Variants in KLF10 observed in about 807,000 individuals in gnomAD.
KLF10 encodes Krueppel-like factor 10.
Under a neutral mutation model 31.6 loss-of-function variants are expected in KLF10, and 17 were observed. The ratio of observed to expected loss-of-function variants is 0.54; its 90% confidence interval spans 0.37 to 0.81. The LOEUF (loss-of-function observed/expected upper bound fraction) is 0.81. KLF10 is among the 30% of genes least tolerant of loss of function. KLF10 has a pLI of 0.00. For synonymous variants in KLF10, 239 were observed against 215.1 expected (o/e 1.11, Z -0.97); for missense variants, 525 against 598.1 (o/e 0.88, Z 1.27).
In KLF10 at chr8:102,651,997, G is replaced by A; in HGVS notation, c.335C>T (p.Pro112Leu). 6.2e-7 allele frequency: 1 copy of A among 1,613,654 alleles called. No individual in the cohort carries two copies. Among genetic ancestry groups the A allele is most frequent in the Non-Finnish European group, 8.5e-7 (1 of 1,179,864 alleles). The change falls in exon 3 of 4, where the codon CCA (proline) becomes CTA (leucine). Residue 112 changes from proline to leucine, a missense_variant. This residue lies in a region of KLF10 where 434 missense variants were observed against 450.7 expected (regional missense o/e 0.96). Coordinates refer to ENST00000285407, the MANE Select transcript of KLF10 (RefSeq NM_005655.4). ...EPSQVSNLMA[P>L]APSTVHFKSL... ...CTTGAAGTGTACAGTAGATGGCGCT[G>A]GTGCCATCAGATTTGACACTTGAGA...
At position 102,653,113 on chromosome 8, in the gene KLF10, T is replaced by A. The variant is rs567898678; in HGVS notation, c.37-716A>T. Among the ~76,000 whole-genome samples, 289 of 152,218 alleles carry A rather than the reference T, an allele frequency of 1.9e-3. 2 individuals are homozygous for A. Among genetic ancestry groups the A allele is most frequent in the African/African-American group, 6.5e-3 (269 of 41,538 alleles). On this transcript the variant is annotated intron_variant, in intron 1 of 3. Transcript: ENST00000285407. ...ATCACTTGATTATGGTAAAGAAAAA[T>A]CAAGTGATATACATAGAAAAAAATT...
rs1452329717 is a variant in KLF10, at chr8:102,651,704, A to T, written c.628T>A (p.Ser210Thr). ...GCCACTGTGTTTCTCTCACATTTGG[A>T]TCTGTTTGGTGACACAGCGGCACAT... The part of the protein sequence containing the change: ...IPCAAVSPNR[S>T]KCERNTVADV... Residue 210 changes from serine to threonine, a missense_variant, in exon 3 of 4, where the codon TCC becomes ACC. This residue lies in a region of KLF10 where 434 missense variants were observed against 450.7 expected (regional missense o/e 0.96). Transcript: ENST00000285407. The T allele has an allele frequency of 6.2e-7, 1 of 1,614,148 alleles. No individual in the cohort carries two copies. The highest frequency in any genetic ancestry group is 8.5e-7 in the Non-Finnish European group (1 of 1,180,034).
rs780781902 is a variant in KLF10, at chr8:102,652,347, G to T, written c.87C>A (p.Ser29=). Reference sequence around the variant, plus strand: ...CACTTTTCTCTGCAGTTTTGTTCCAGGAATACATACTCTCTTTTGGCCTTT... The same window carrying T: ...CACTTTTCTCTGCAGTTTTGTTCCATGAATACATACTCTCTTTTGGCCTTT... ...ISERPKESMY[S]WNKTAEKSDF... is the part of the protein sequence containing the mutation. The change falls in exon 2 of 4, where the codon TCC becomes TCA. Residue 29 remains serine (S), a synonymous_variant. Transcript: ENST00000285407. 7 of 1,611,314 alleles carry T rather than the reference G, an allele frequency of 4.3e-6. No individual in the cohort carries two copies. In the Admixed American group the frequency reaches 1.2e-4, roughly 27 times the overall value.
intron 1 of KLF10, 71 bp downstream of exon 1, chr8:102,655,495 G>T (rs1587836921): frequency 1.3e-6 from 2 of 1,578,386 alleles, no homozygotes; most frequent in Non-Finnish European, 1.7e-6. Flanking sequence ...CGGGGCTCGG[G>T]GTTCGCGCCC....
At position 102,651,542 on chromosome 8, in the gene KLF10, C is replaced by T. The variant is rs1048594423; in HGVS notation, c.790G>A (p.Ala264Thr). The change falls in exon 3 of 4, where the codon GCA (alanine) becomes ACA (threonine). Residue 264 changes from alanine to threonine, a missense_variant. Coordinates refer to ENST00000285407, the MANE Select transcript of KLF10 (RefSeq NM_005655.4). ...ACCGGCATAGGTGGCACTCCCCCTG[C>T]AGATACTGCAGGTGGAGAGACCAAC... is the stretch of plus-strand genomic sequence containing the variant. Reference protein sequence around the residue: ...SVLVSPPAVSAGGVPPMPVIC... With the variant: ...SVLVSPPAVSTGGVPPMPVIC... The T allele has an allele frequency of 1.2e-6, 2 of 1,613,788 alleles. No individual in the cohort carries two copies. Among genetic ancestry groups the T allele is most frequent in the African/African-American group, 2.7e-5 (2 of 74,904 alleles).
Position 102,650,159 on chromosome 8 carries a change from T to C in KLF10, c.1416A>G (p.Leu472=), listed in dbSNP as rs768754032. ...ACTGTGTGGGAGCAGGGGTTGGAGG[T>C]AGAGCAATGTCATTTAGCTTGCTCA... is the stretch of plus-strand genomic sequence containing the variant. ...MEVSKLNDIA[L]PPTPAPTQ The change falls in exon 4 of 4, where the codon CTA becomes CTG. Residue 472 remains leucine, a synonymous_variant. Transcript: ENST00000285407. The C allele has an allele frequency of 1.2e-6, 2 of 1,614,202 alleles. No homozygotes were observed. Among genetic ancestry groups the C allele is most frequent in the South Asian group, 1.1e-5 (1 of 91,084 alleles).
intron 1 of KLF10, chr8:102,653,617 G>A (rs930044535): frequency 7.5e-7 from 1 of 1,334,624 alleles, no homozygotes; most frequent in Non-Finnish European, 9.6e-7. Flanking sequence ...CCTTCGTGTT[G>A]AAATCCTAAG....
At position 102,649,913 on chromosome 8, in the gene KLF10, T is replaced by C. The variant is rs1827164196; in HGVS notation, c.*219A>G. The C allele has an allele frequency of 1.7e-6, 1 of 578,106 alleles. No homozygotes were observed. The highest frequency in any genetic ancestry group is 3.3e-5 in the Admixed American group (1 of 30,106). The allele number at this position is 578,106 out of a possible 1,614,324, so 35.8% of individuals were successfully genotyped here. The stretch of plus-strand genomic sequence containing the variant: ...TCAAAGGAATAAAAGCTTTCTCATC[T>C]CTCTTATGTGATAAGAAATGAAACC... On this transcript the variant is annotated 3_prime_UTR_variant, in exon 4 of 4. Transcript: ENST00000285407.
At chr8:102,654,849 G>A (rs1222468689) in intron 1 of KLF10, among the ~76,000 whole-genome samples, 1 of 151,356 alleles carries the variant, frequency 6.6e-6, no homozygotes, top group African/African-American at 2.4e-5. Context: ...CCTCTTCCAA[G>A]GAGTCGTCAG....
At chr8:102,655,330 G>A (rs1270881271) in intron 1 of KLF10, among the ~76,000 whole-genome samples, 1 of 151,874 alleles carries the variant, frequency 6.6e-6, no homozygotes, top group Non-Finnish European at 1.5e-5. Context: ...TACATCTAGA[G>A]CAAGACCCCT....
chr8:102,649,430 T>A lies in KLF10; in HGVS notation c.*702A>T, dbSNP rs1366225313. ...TTCAAAGCATAATGAAATGCCTAGA[T>A]ACAGTCATTTGTTAAACTTTCAAAA... On this transcript the variant is annotated 3_prime_UTR_variant, in exon 4 of 4. Coordinates refer to ENST00000285407, the MANE Select transcript of KLF10 (RefSeq NM_005655.4). 6.6e-6 allele frequency: 1 copy of A among 152,290 alleles called. No homozygotes were observed. Among genetic ancestry groups the A allele is most frequent in the Non-Finnish European group, 1.5e-5 (1 of 68,088 alleles). 9.4% of individuals were successfully genotyped at this position (152,290 alleles called of 1,614,324 possible). A position where few individuals can be genotyped will look rare whatever the true frequency, so the allele number is the denominator to read the frequency against.
At chr8:102,654,201 C>T (rs1827300690) in intron 1 of KLF10, 1 of 150,574 alleles carries the variant, frequency 6.6e-6, no homozygotes, top group African/African-American at 2.4e-5. Context: ...TCCCCTACTT[C>T]CTGAGCTTGC....
intron 3 of KLF10, 141 bp from the exon 4 acceptor site, chr8:102,650,532 G>A (rs1032825693): frequency 2.2e-6 from 2 of 896,418 alleles, no homozygotes; most frequent in Non-Finnish European, 1.6e-6. Context: ...TATGAGATAT[G>A]TATTGCTCCA....
chr8:102,652,469 A>AT (rs1361266826), intron 1 of KLF10, 72 bp from the exon 2 acceptor site: 25 of 660,382 alleles, frequency 3.8e-5, no homozygotes, highest in African/African-American at 8.3e-5. Flanking sequence ...AAAATGAGCA[A>AT]ATTTTTTTTT....
In KLF10 at chr8:102,651,363, C is replaced by T; in HGVS notation, c.969G>A (p.Gln323=). 1.3e-6 allele frequency: 2 copies of T among 1,599,046 alleles called. No homozygotes were observed. Among genetic ancestry groups the T allele is most frequent in the Non-Finnish European group, 1.7e-6 (2 of 1,171,214 alleles). ...PKGAVMFVVP[Q]PVVQSSKPPV... Reference sequence around the variant, plus strand: ...GAGGCTTTGAACTCTGCACAACGGGCTGGGGTACCACAAACATGACAGCGC... The same window carrying T: ...GAGGCTTTGAACTCTGCACAACGGGTTGGGGTACCACAAACATGACAGCGC... The change falls in exon 3 of 4, where the codon CAG becomes CAA. Residue 323 remains glutamine (Q), a synonymous_variant. Coordinates refer to ENST00000285407, the MANE Select transcript of KLF10 (RefSeq NM_005655.4).
At position 102,652,175 on chromosome 8, in the gene KLF10, T is replaced by C. The variant is rs1178794544; in HGVS notation, c.259A>G (p.Ile87Val). 8.2e-6 allele frequency: 13 copies of C among 1,592,512 alleles called. No individual in the cohort carries two copies. Among genetic ancestry groups the C allele is most frequent in the African/African-American group, 1.3e-5 (1 of 74,350 alleles). ...LLPGTPDFHT[I>V]PAFCLTPPYS... ...ACAATAATACTTACAAATGCTGGGA[T>C]TGTATGAAAATCAGGTGTTCCCGGA... The change falls in exon 2 of 4, where the codon ATC becomes GTC. Residue 87 changes from isoleucine to valine, a missense_variant. Transcript: ENST00000285407.
At position 102,651,968 on chromosome 8, in the gene KLF10, G is replaced by A; in HGVS notation, c.364C>T (p.Leu122Phe). 2 of 1,614,066 alleles carry A rather than the reference G, an allele frequency of 1.2e-6. No homozygotes were observed. The highest frequency in any genetic ancestry group is 1.7e-6 in the Non-Finnish European group (2 of 1,180,020). Residue 122 changes from leucine (L) to phenylalanine (F), a missense_variant, in exon 3 of 4, where the codon CTC (leucine) becomes TTC (phenylalanine). By Grantham distance (22) the Leu-to-Phe change is conservative (BLOSUM62 0). Transcript: ENST00000285407. ...PAPSTVHFKS[L>F]SDTAKPHIAA... is the part of the protein sequence containing the mutation. ...ATGTGAGGTTTGGCAGTATCTGAGA[G>A]TGACTTGAAGTGTACAGTAGATGGC... is the stretch of plus-strand genomic sequence containing the variant.
At position 102,655,682 on chromosome 8, in the gene KLF10, C is replaced by A. The variant is rs936267746; in HGVS notation, c.-81G>T. On this transcript the variant is annotated 5_prime_UTR_variant, in exon 1 of 4. Transcript: ENST00000285407. ...TTGGCCACAGACGGGCGCACGGAGA[C>A]ACTCGACGCCGCTCCCGCCGCCGCC... 17 of 1,514,500 alleles carry A rather than the reference C, an allele frequency of 1.1e-5. No individual in the cohort carries two copies. Among genetic ancestry groups the A allele is most frequent in the Middle Eastern group, 1.7e-4 (1 of 5,908 alleles). 93.8% of individuals were successfully genotyped at this position (1,514,500 alleles called of 1,614,324 possible). A position where few individuals can be genotyped will look rare whatever the true frequency, so the allele number is the denominator to read the frequency against.
chr8:102,655,699 G>C lies in KLF10; in HGVS notation c.-98C>G. On this transcript the variant is annotated 5_prime_UTR_variant, in exon 1 of 4. Coordinates refer to ENST00000285407, the MANE Select transcript of KLF10 (RefSeq NM_005655.4). ...CACGGAGACACTCGACGCCGCTCCCGCCGCCGCCGCGCTCAGCGCCGTCTG... is the reference window on the plus strand; with the variant it reads ...CACGGAGACACTCGACGCCGCTCCCCCCGCCGCCGCGCTCAGCGCCGTCTG... The C allele has an allele frequency of 4.5e-6, 6 of 1,332,150 alleles. No homozygotes were observed. Among genetic ancestry groups the C allele is most frequent in the South Asian group, 2.5e-5 (2 of 80,586 alleles). 82.5% of individuals were successfully genotyped at this position (1,332,150 alleles called of 1,614,324 possible). A position where few individuals can be genotyped will look rare whatever the true frequency, so the allele number is the denominator to read the frequency against.
Sources: allele counts gnomAD v4.1 joint callset (sites outside exome capture counted in the v4.1 genomes callset), GRCh38; gene constraint gnomAD v4.1.1; regional missense constraint gnomAD v4.1.1; transcripts MANE v1.5; gene names NCBI Gene and HGNC (gene_info 2026-07-23, HGNC 2026-07-21).